The following FUBP3 variants were observed in gnomAD, a reference collection of about 807,000 sequenced individuals.
FUBP3 encodes far upstream element binding protein 3.
In FUBP3, 28 loss-of-function variants were observed where a neutral mutation model predicts 85.6. The observed-to-expected ratio is 0.33, with a 90% CI of 0.24 to 0.45. The LOEUF (loss-of-function observed/expected upper bound fraction) is 0.45, where lower values mean the gene tolerates loss of function less well. Among genes scored for constraint, FUBP3 ranks in the 20% least tolerant of loss-of-function variants. The probability of loss-of-function intolerance (pLI) is 1.00; values close to 1 mark genes in which losing one functional copy is unlikely to be tolerated. For synonymous variants in FUBP3, 271 were observed against 271.4 expected (o/e 1.00, Z 0.01); for missense variants, 583 against 755.1 (o/e 0.77, Z 2.67).
Position 130,632,289 on chromosome 9 carries a change from C to G in FUBP3, c.1510+11C>G. On this transcript the variant is annotated intron_variant, in intron 16 of 18. Coordinates refer to ENST00000319725, the MANE Select transcript of FUBP3 (RefSeq NM_003934.2). ...CACAGCAGGTCCCAAGTAAGTGACTCGGGGCGGGGAGTGCATGCCCTCCAG... is the reference window on the plus strand; with the variant it reads ...CACAGCAGGTCCCAAGTAAGTGACTGGGGGCGGGGAGTGCATGCCCTCCAG... The G allele has an allele frequency of 6.2e-7, 1 of 1,604,648 alleles. No individual in the cohort carries two copies. The highest frequency in any genetic ancestry group is 8.5e-7 in the Non-Finnish European group (1 of 1,172,600).
chr9:130,632,313 A>G (rs779482454), intron 16 of FUBP3, 35 bp downstream of exon 16: 60 of 1,532,920 alleles, frequency 3.9e-5, no homozygotes, highest in Non-Finnish European at 5.2e-5. Context: ...CATGCCCTCC[A>G]GAAAGGTTGC....
intron 1 of FUBP3, among the ~76,000 whole-genome samples, chr9:130,593,470 T>C (rs1304068310): frequency 6.6e-6 from 1 of 152,234 alleles, no homozygotes; most frequent in Non-Finnish European, 1.5e-5. Context: ...GGAATCTTAT[T>C]ATCTTTTCAA....
At chr9:130,596,147 G>A (rs1588124412) in intron 2 of FUBP3, among the ~76,000 whole-genome samples, 1 of 152,124 alleles carries the variant, frequency 6.6e-6, no homozygotes, top group African/African-American at 2.4e-5. Context: ...AAGAATTTGA[G>A]AACACTTAGA....
chr9:130,598,261 A>G (rs1830966489), intron 2 of FUBP3, among the ~76,000 whole-genome samples: 1 of 152,210 alleles, frequency 6.6e-6, no homozygotes, highest in Non-Finnish European at 1.5e-5. Flanking sequence ...TTCATTTGCA[A>G]ATATTTAGGT....
At position 130,634,753 on chromosome 9, in the gene FUBP3, C is replaced by T; in HGVS notation, c.1582+15C>T. 3.1e-6 allele frequency: 5 copies of T among 1,603,648 alleles called. No individual in the cohort carries two copies. The highest frequency in any genetic ancestry group is 2.2e-5 in the East Asian group (1 of 44,762). On this transcript the variant is annotated intron_variant, in intron 17 of 18. Transcript: ENST00000319725. ...CAAAAAACAGAGTGAGTGCCCGGCC[C>T]TCCTAACCTGTGGCAGCACAGTCCC... is the stretch of plus-strand genomic sequence containing the variant.
chr9:130,596,512 GT>G (rs74313735), intron 2 of FUBP3: 239 of 153,522 alleles, frequency 1.6e-3, no homozygotes, highest in South Asian at 6.1e-3. Context: ...AGGAATTCTT[GT>G]TTTTTTTTTT....
chr9:130,583,355 A>G (rs1342822105), intron 1 of FUBP3, among the ~76,000 whole-genome samples: 1 of 152,248 alleles, frequency 6.6e-6, no homozygotes, highest in African/African-American at 2.4e-5. Context: ...CTGACTTCTT[A>G]GAACAAGCAC....
chr9:130,606,250 T>G (rs2119056696), intron 2 of FUBP3, among the ~76,000 whole-genome samples: 1 of 152,118 alleles, frequency 6.6e-6, no homozygotes, highest in East Asian at 1.9e-4. Context: ...AGCTGGGGTG[T>G]GGAAAGCCAT....
intron 9 of FUBP3, 77 bp from the exon 10 acceptor site, chr9:130,622,630 CA>C (rs35428077): frequency 0.34 from 171,128 of 502,658 alleles, 9,307 homozygotes; most frequent in Middle Eastern, 0.38. Flanking sequence ...GACTCAGTCT[CA>C]AAAAAAAAAA....
intron 12 of FUBP3, 45 bp from the exon 13 acceptor site, chr9:130,630,583 C>T (rs765499001): frequency 6.7e-7 from 1 of 1,490,936 alleles, no homozygotes; most frequent in Admixed American, 2.2e-5. Context: ...TCAGGAGTTG[C>T]CGCAGTCTCT....
chr9:130,599,653 C>T (rs1056259639), intron 2 of FUBP3, among the ~76,000 whole-genome samples: 4 of 152,168 alleles, frequency 2.6e-5, no homozygotes. Context: ...GCCATTTTAA[C>T]CTTCACTGTC....
At chr9:130,606,504 G>C (rs1055373836) in intron 2 of FUBP3, among the ~76,000 whole-genome samples, 1 of 152,154 alleles carries the variant, frequency 6.6e-6, no homozygotes, top group African/African-American at 2.4e-5. Flanking sequence ...CTTGTGCTGG[G>C]GTGGGAGTGG....
chr9:130,589,705 A>ATTTTTTTTT (rs779633795), intron 1 of FUBP3, among the ~76,000 whole-genome samples: 13 of 73,818 alleles, frequency 1.8e-4, no homozygotes, highest in African/African-American at 9.3e-4. Context: ...ATATATATAT[A>ATTTTTTTTT]TTTTTTTTTT....
chr9:130,637,161 G>A lies in FUBP3; in HGVS notation c.*139G>A. The A allele has an allele frequency of 1.4e-6, 1 of 692,018 alleles. No homozygotes were observed. Among genetic ancestry groups the A allele is most frequent in the Non-Finnish European group, 2.5e-6 (1 of 399,134 alleles). The allele number at this position is 692,018 out of a possible 1,614,324, so 42.9% of individuals were successfully genotyped here. ...GTGAAACACTATATTTAGATTAACGGAATTTTTCTAAAAATCAGGAAAATT... is the reference window on the plus strand; with the variant it reads ...GTGAAACACTATATTTAGATTAACGAAATTTTTCTAAAAATCAGGAAAATT... On this transcript the variant is annotated 3_prime_UTR_variant, in exon 19 of 19. Coordinates refer to ENST00000319725, the MANE Select transcript of FUBP3 (RefSeq NM_003934.2).
Position 130,635,942 on chromosome 9 carries a change from G to A in FUBP3, c.1583-57G>A. ...CAGATGCCCAGGGCCTTTGGGAAGG[G>A]TCCTGCCCAGTGCACCTCCGCTCCC... On this transcript the variant is annotated intron_variant, in intron 17 of 18. Transcript: ENST00000319725. The surrounding 1 kb of genome is among the most constrained non-coding windows in gnomAD (Gnocchi z 4.3). 1 of 1,578,532 alleles carries A rather than the reference G, an allele frequency of 6.3e-7. No individual in the cohort carries two copies.
Position 130,630,844 on chromosome 9 carries a change from G to A in FUBP3, c.1278+56G>A. ...TACTCATAGCTGTTTTCTTGTGGAT[G>A]TCCAAGGTACCAGCTTTTCCCACCA... On this transcript the variant is annotated intron_variant, in intron 13 of 18. Transcript: ENST00000319725. 2.3e-6 allele frequency: 3 copies of A among 1,297,026 alleles called. No homozygotes were observed. The South Asian group carries it at 5.2e-5, about 23-fold the overall frequency. The allele number at this position is 1,297,026 out of a possible 1,614,324, so 80.3% of individuals were successfully genotyped here. A position where few individuals can be genotyped will look rare whatever the true frequency, so the allele number is the denominator to read the frequency against.
intron 2 of FUBP3, among the ~76,000 whole-genome samples, chr9:130,599,379 GTGTGTA>G (rs1431445793): frequency 7.2e-5 from 9 of 124,768 alleles, no homozygotes; most frequent in African/African-American, 2.7e-4. Context: ...GTGTGTGTGT[GTGTGTA>G]TATATATATA....
At chr9:130,630,921 C>A in intron 13 of FUBP3, 133 bp downstream of exon 13, 2 of 708,860 alleles carry the variant, frequency 2.8e-6, no homozygotes, top group Non-Finnish European at 2.1e-6. Context: ...GGCAAGCCCC[C>A]TCCTGCTTTG....
At chr9:130,581,800 T>G (rs942848520) in intron 1 of FUBP3, 1 of 152,230 alleles carries the variant, frequency 6.6e-6, no homozygotes, top group African/African-American at 2.4e-5. Context: ...AAGGCCCTCT[T>G]AAATTTGTCA....
Sources: allele counts gnomAD v4.1 joint callset (sites outside exome capture counted in the v4.1 genomes callset), GRCh38; gene constraint gnomAD v4.1.1; non-coding constraint Gnocchi (gnomAD v3.1); transcripts MANE v1.5; gene names NCBI Gene and HGNC (gene_info 2026-07-23, HGNC 2026-07-21).